SIGLECL1: variants seen among roughly 807,000 people sequenced by gnomAD.
The protein encoded by SIGLECL1 is SIGLEC family-like protein 1.
A neutral mutation model predicts 19.1 loss-of-function variants in SIGLECL1; 16 were observed. The observed-to-expected ratio is 0.84, with a 90% CI of 0.57 to 1.27. The LOEUF (loss-of-function observed/expected upper bound fraction) is 1.27. Among genes scored for constraint, SIGLECL1 ranks in the 50% most tolerant of loss-of-function variants. The probability of loss-of-function intolerance (pLI) is 0.00; values close to 1 mark genes in which losing one functional copy is unlikely to be tolerated. For synonymous variants in SIGLECL1, 89 were observed against 90.4 expected (o/e 0.98, Z 0.09); for missense variants, 210 against 239.4 (o/e 0.88, Z 0.81).
chr19:51,261,948 C>T (rs1317526452), intron 1 of SIGLECL1, among the ~76,000 whole-genome samples: 1 of 152,098 alleles, frequency 6.6e-6, no homozygotes, highest in East Asian at 1.9e-4. Flanking sequence ...GTGTAACCAC[C>T]ACTGAGGTCA....
At chr19:51,266,370 T>G (rs894526877) in intron 4 of SIGLECL1, among the ~76,000 whole-genome samples, 1 of 152,172 alleles carries the variant, frequency 6.6e-6, no homozygotes, top group African/African-American at 2.4e-5. Flanking sequence ...CTTTATTTCA[T>G]GCACAAAATA....
chr19:51,265,041 A>C (rs1983535042), intron 2 of SIGLECL1, among the ~76,000 whole-genome samples: 1 of 152,222 alleles, frequency 6.6e-6, no homozygotes, highest in African/African-American at 2.4e-5. Flanking sequence ...AGAGCCTAAG[A>C]GGAACATTGC....
rs896266435 is a variant in SIGLECL1, at chr19:51,266,532, T to A, written c.410+650T>A. 4.0e-5 allele frequency among the ~76,000 whole-genome samples: 6 copies of A among 149,094 alleles called. No homozygotes were observed. In the East Asian group the frequency reaches 7.8e-4, roughly 19 times the overall value. ...CAAAATCTAAAAAAAAAAAAAAAAA[T>A]TGAAATCTGAAACACTTCTGGCCCC... On this transcript the variant is annotated intron_variant, in intron 4 of 5. Transcript: ENST00000601727.
intron 1 of SIGLECL1, among the ~76,000 whole-genome samples, chr19:51,263,139 G>C (rs1009712401): frequency 2.6e-5 from 4 of 152,140 alleles, no homozygotes; most frequent in Admixed American, 6.5e-5. Flanking sequence ...TTTAAGTCAT[G>C]ATATCCAGTA....
intron 1 of SIGLECL1, among the ~76,000 whole-genome samples, chr19:51,258,659 A>G (rs902405223): frequency 2.4e-4 from 37 of 152,222 alleles, no homozygotes; most frequent in African/African-American, 8.4e-4. Flanking sequence ...GCTAAAGGGA[A>G]AAGTTAGGCT....
intron 1 of SIGLECL1, chr19:51,257,767 G>C: frequency 6.6e-6 from 1 of 152,214 alleles, no homozygotes; most frequent in Non-Finnish European, 1.5e-5. Context: ...CTAACAATGT[G>C]ATTTAGAATA....
rs1568447748 is a variant in SIGLECL1, at chr19:51,269,163, G to A, written c.*566G>A. ...CAGGTGAGAAAAAACATGACGATGGGCCCTGAATGCCAAGATTCATTGGAG... is the reference window on the plus strand; with the variant it reads ...CAGGTGAGAAAAAACATGACGATGGACCCTGAATGCCAAGATTCATTGGAG... On this transcript the variant is annotated 3_prime_UTR_variant, in exon 6 of 6. Coordinates refer to ENST00000601727, the MANE Select transcript of SIGLECL1 (RefSeq NM_001385465.1). 1 of 153,046 alleles carries A rather than the reference G, an allele frequency of 6.5e-6. No homozygotes were observed. The highest frequency in any genetic ancestry group is 1.5e-5 in the Non-Finnish European group (1 of 68,730). 9.5% of individuals were successfully genotyped at this position (153,046 alleles called of 1,614,324 possible).
intron 2 of SIGLECL1, 133 bp downstream of exon 2, chr19:51,264,227 C>T: frequency 9.7e-7 from 1 of 1,025,866 alleles, no homozygotes; most frequent in Non-Finnish European, 1.4e-6. Context: ...ACCAAATAAT[C>T]AACATGAATT....
chr19:51,267,600 C>T lies in SIGLECL1; in HGVS notation c.567+71C>T. On this transcript the variant is annotated intron_variant, in intron 5 of 5. Coordinates refer to ENST00000601727, the MANE Select transcript of SIGLECL1 (RefSeq NM_001385465.1). ...AATAAGACCCACAGGGAAAGGAGCA[C>T]ACAGTGTTTTGAAGGTGTTATCATC... 3 of 1,558,420 alleles carry T rather than the reference C, an allele frequency of 1.9e-6. No homozygotes were observed. The East Asian group carries it at 6.7e-5, about 35-fold the overall frequency.
At position 51,268,700 on chromosome 19, in the gene SIGLECL1, C is replaced by A; in HGVS notation, c.*103C>A. 9.2e-7 allele frequency: 1 copy of A among 1,088,070 alleles called. No homozygotes were observed. Among genetic ancestry groups the A allele is most frequent in the Non-Finnish European group, 1.3e-6 (1 of 743,194 alleles). The allele number at this position is 1,088,070 out of a possible 1,614,324, so 67.4% of individuals were successfully genotyped here. A position where few individuals can be genotyped will look rare whatever the true frequency, so the allele number is the denominator to read the frequency against. On this transcript the variant is annotated 3_prime_UTR_variant, in exon 6 of 6. Transcript: ENST00000601727. ...CAGAAACCCTGGAGGCTGTAATAAA[C>A]CTGGAGCCCCCTGGACTCTCCTCAG...
intron 1 of SIGLECL1, among the ~76,000 whole-genome samples, chr19:51,259,065 A>G (rs1983012329): frequency 6.6e-6 from 1 of 152,240 alleles, no homozygotes. Flanking sequence ...CCAAAGTCAT[A>G]TGCATATTAG....
intron 2 of SIGLECL1, chr19:51,264,498 C>G (rs188222146): frequency 6.4e-4 from 101 of 157,102 alleles, no homozygotes; most frequent in Admixed American, 1.5e-3. Flanking sequence ...TCAACAGCGC[C>G]CCGCAAGTGA....
At chr19:51,249,397 C>T (rs1982365674), upstream of SIGLECL1, among the ~76,000 whole-genome samples, 1 of 151,942 alleles carries the variant, frequency 6.6e-6, no homozygotes, top group African/African-American at 2.4e-5. Flanking sequence ...GGGGCCTGCT[C>T]TGCAAGCTGT....
chr19:51,256,870 A>T (rs1501449), intron 1 of SIGLECL1, among the ~76,000 whole-genome samples: 28,314 of 152,094 alleles, frequency 0.19, 4,122 homozygotes, highest in African/African-American at 0.36. Context: ...CACTGCTCTA[A>T]CCATAGGTAA....
At chr19:51,264,589 A>G in intron 2 of SIGLECL1, 1 of 153,154 alleles carries the variant, frequency 6.5e-6, no homozygotes, top group Non-Finnish European at 1.5e-5. Context: ...AAAAACTTCA[A>G]CGAAAAAGTG....
Position 51,268,579 on chromosome 19 carries a change from A to G in SIGLECL1, c.576A>G (p.Gln192=), listed in dbSNP as rs1568447471. 1.2e-6 allele frequency: 2 copies of G among 1,614,104 alleles called. No homozygotes were observed. Among genetic ancestry groups the G allele is most frequent in the Non-Finnish European group, 1.7e-6 (2 of 1,180,010 alleles). ...TTGCACCTCGCTTTCAGGAAAAGCA[A>G]GATAAACGAGCCAGCTAAGCCTGTG... The part of the protein sequence containing the change: ...TFSESRILEK[Q]DKRAS The change falls in exon 6 of 6, where the codon CAA becomes CAG. Residue 192 remains glutamine (Q), a synonymous_variant. Coordinates refer to ENST00000601727, the MANE Select transcript of SIGLECL1 (RefSeq NM_001385465.1).
In SIGLECL1 at chr19:51,267,482, G is replaced by A; in HGVS notation, c.520G>A (p.Glu174Lys). Residue 174 changes from glutamate (E) to lysine (K), a missense_variant, in exon 5 of 6, where the codon GAA (glutamate) becomes AAA (lysine). Physicochemically the swap from Glu to Lys is moderately conservative, Grantham distance 56. Transcript: ENST00000601727. The part of the protein sequence containing the change: ...QELEMSLKPE[E>K]PGKPVVATFS... ...ACTTGAGATGTCTCTGAAGCCTGAG[G>A]AACCAGGAAAACCCGTAGTCGCCAC... 1 of 1,614,168 alleles carries A rather than the reference G, an allele frequency of 6.2e-7. No individual in the cohort carries two copies. Among genetic ancestry groups the A allele is most frequent in the Admixed American group, 1.7e-5 (1 of 60,012 alleles).
At chr19:51,265,240 C>A in intron 2 of SIGLECL1, 128 bp from the exon 3 acceptor site, 1 of 1,043,712 alleles carries the variant, frequency 9.6e-7, no homozygotes, top group Non-Finnish European at 1.4e-6. Context: ...GGCCTGAATC[C>A]TGTGGGCTTC....
intron 1 of SIGLECL1, among the ~76,000 whole-genome samples, chr19:51,261,284 G>GTTTTTTCT (rs1555744974): frequency 6.6e-6 from 1 of 151,808 alleles, no homozygotes; most frequent in East Asian, 1.9e-4. Context: ...TCATTCTTTG[G>GTTTTTTCT]TTTTTTCTTT....
Sources: gnomAD v4.1 joint callset for allele counts (sites outside exome capture counted in the v4.1 genomes callset) on GRCh38, gnomAD v4.1.1 for gene constraint, MANE v1.5 for transcripts, NCBI Gene and HGNC (gene_info 2026-07-23, HGNC 2026-07-21) for gene names.